Variants in PROS1 observed in about 807,000 individuals in gnomAD.
The protein encoded by PROS1 is protein S.
In PROS1, 29 loss-of-function variants were observed where a neutral mutation model predicts 75.9. That is an observed-to-expected ratio of 0.38 (90% CI 0.28 to 0.52). PROS1 has a LOEUF of 0.52. PROS1 is among the 20% of genes least tolerant of loss of function. PROS1 has a pLI of 0.83. For synonymous variants in PROS1, 245 were observed against 280.6 expected, an observed-to-expected ratio of 0.87 and a Z score of 1.27; for missense variants, 680 against 810.3, an observed-to-expected ratio of 0.84 and a Z score of 1.95.
chr3:93,898,373 G>C, intron 8 of PROS1, 75 bp downstream of exon 8: 1 of 1,530,554 alleles, frequency 6.5e-7, no homozygotes, highest in Non-Finnish European at 9.0e-7. Context: ...TCCTGACTTA[G>C]CTATGTGAAA....
intron 1 of PROS1, among the ~76,000 whole-genome samples, chr3:93,943,188 T>C (rs767947424): frequency 2.7e-4 from 41 of 152,122 alleles, no homozygotes; most frequent in Non-Finnish European, 5.3e-4. Context: ...TTAGGAAAGA[T>C]AGAACGGACT....
chr3:93,937,785 A>C (rs188324205), intron 1 of PROS1, among the ~76,000 whole-genome samples: 31 of 152,286 alleles, frequency 2.0e-4, no homozygotes, highest in African/African-American at 6.7e-4. Context: ...ACAGGTACTT[A>C]GTATAAAACA....
chr3:93,940,471 C>T (rs1199299914), intron 1 of PROS1, among the ~76,000 whole-genome samples: 3 of 152,102 alleles, frequency 2.0e-5, no homozygotes, highest in Admixed American at 2.0e-4. Flanking sequence ...GACGTCTGGG[C>T]TTCTAAATCT....
chr3:93,973,563 TG>T, intron 1 of PROS1, 110 bp downstream of exon 1: 1 of 1,168,860 alleles, frequency 8.6e-7, no homozygotes, highest in Non-Finnish European at 1.3e-6. Context: ...CGGTACTTAC[TG>T]GAAACTTTCT....
chr3:93,913,310 G>C (rs1242555347), intron 3 of PROS1, among the ~76,000 whole-genome samples: 2 of 152,214 alleles, frequency 1.3e-5, no homozygotes, highest in African/African-American at 4.8e-5. Flanking sequence ...GCAGGGCCAG[G>C]TGGAGATAAT....
intron 4 of PROS1, among the ~76,000 whole-genome samples, chr3:93,907,779 G>T (rs1213018829): frequency 1.3e-5 from 2 of 152,202 alleles, no homozygotes; most frequent in Non-Finnish European, 2.9e-5. Context: ...TTTCATAACT[G>T]TAATTTAGAT....
chr3:93,951,104 C>T (rs2107242919), intron 1 of PROS1, among the ~76,000 whole-genome samples: 1 of 152,012 alleles, frequency 6.6e-6, no homozygotes, highest in African/African-American at 2.4e-5. Flanking sequence ...GTGAAAAGGC[C>T]AAATCTATGT....
intron 10 of PROS1, among the ~76,000 whole-genome samples, chr3:93,892,633 A>G (rs1471631197): frequency 2.6e-5 from 4 of 152,142 alleles, no homozygotes; most frequent in Non-Finnish European, 4.4e-5. Flanking sequence ...TCAAAAAAAA[A>G]AAAAAATGTT....
chr3:93,954,338 A>G (rs1709561960), intron 1 of PROS1, among the ~76,000 whole-genome samples: 1 of 152,228 alleles, frequency 6.6e-6, no homozygotes, highest in African/African-American at 2.4e-5. Flanking sequence ...TTAAAAGGCT[A>G]CAGTAACCAA....
At chr3:93,892,488 G>A (rs753857813) in intron 10 of PROS1, among the ~76,000 whole-genome samples, 2 of 151,484 alleles carry the variant, frequency 1.3e-5, no homozygotes, top group Non-Finnish European at 2.9e-5. Context: ...GCCGGGCATG[G>A]TGGCGCATGC....
At chr3:93,966,290 T>C (rs1256783801) in intron 1 of PROS1, among the ~76,000 whole-genome samples, 5 of 152,124 alleles carry the variant, frequency 3.3e-5, no homozygotes, top group African/African-American at 7.2e-5. Flanking sequence ...CAGTGACTTG[T>C]AAAGAGGTAG....
At chr3:93,960,024 T>C (rs985754640) in intron 1 of PROS1, among the ~76,000 whole-genome samples, 6 of 152,192 alleles carry the variant, frequency 3.9e-5, no homozygotes, top group Non-Finnish European at 8.8e-5. Flanking sequence ...AAAGGTTAAA[T>C]AGGCAATAAG....
At chr3:93,932,624 T>C (rs181928787) in intron 1 of PROS1, among the ~76,000 whole-genome samples, 121 of 152,332 alleles carry the variant, frequency 7.9e-4, no homozygotes, top group Non-Finnish European at 4.7e-4. Flanking sequence ...AAAACCATTG[T>C]GCAAACATGA....
At chr3:93,905,964 A>G in intron 5 of PROS1, 49 bp from the exon 6 acceptor site, 1 of 1,613,570 alleles carries the variant, frequency 6.2e-7, no homozygotes, top group Non-Finnish European at 8.5e-7. Context: ...TAACCTGCAG[A>G]GAACTTTTCA....
chr3:93,924,865 G>T (rs1037910056), intron 2 of PROS1, among the ~76,000 whole-genome samples: 2 of 151,734 alleles, frequency 1.3e-5, no homozygotes, highest in Non-Finnish European at 2.9e-5. Context: ...TAGAGATGGG[G>T]TCTCACTATG....
At chr3:93,937,449 G>T (rs565477400) in intron 1 of PROS1, among the ~76,000 whole-genome samples, 1 of 150,196 alleles carries the variant, frequency 6.7e-6, no homozygotes, top group South Asian at 2.1e-4. Context: ...CTCACTGCAA[G>T]CTCCGCCTCC....
intron 6 of PROS1, among the ~76,000 whole-genome samples, chr3:93,903,345 A>T (rs1708625887): frequency 6.6e-6 from 1 of 152,208 alleles, no homozygotes; most frequent in Non-Finnish European, 1.5e-5. Context: ...GTGGATAAGA[A>T]TTAAATACTT....
At chr3:93,936,490 C>G (rs541356893) in intron 1 of PROS1, among the ~76,000 whole-genome samples, 1 of 152,176 alleles carries the variant, frequency 6.6e-6, no homozygotes, top group South Asian at 2.1e-4. Context: ...AGAAGGGACT[C>G]AGGGGAGTTC....
chr3:93,907,232 C>A (rs1311261056), intron 4 of PROS1, among the ~76,000 whole-genome samples: 1 of 152,196 alleles, frequency 6.6e-6, no homozygotes, highest in Non-Finnish European at 1.5e-5. Context: ...CATAAAAACC[C>A]CAGACTCAGC....
Sources: allele counts gnomAD v4.1 joint callset (sites outside exome capture counted in the v4.1 genomes callset), GRCh38; gene constraint gnomAD v4.1.1; transcripts MANE v1.5; gene names NCBI Gene and HGNC (gene_info 2026-07-23, HGNC 2026-07-21).